SERF2: variants seen among roughly 807,000 people sequenced by gnomAD.
The protein encoded by SERF2 is small EDRK-rich factor 2.
In SERF2, 4 loss-of-function variants were observed where a neutral mutation model predicts 10.7. The ratio of observed to expected loss-of-function variants is 0.37; its 90% CI spans 0.18 to 0.86. The LOEUF is 0.86. SERF2 is among the 40% of genes least tolerant of loss of function. The pLI, the probability that SERF2 is intolerant of heterozygous loss-of-function variation, is 0.43. For missense variants in SERF2, 47 were observed against 79.1 expected, an observed-to-expected ratio of 0.59 and a Z score of 1.54; for synonymous variants, 26 against 26.0, an observed-to-expected ratio of 1.00 and a Z score of 0.01.
rs958719480 is a variant in SERF2, at chr15:43,794,212, A to G, written c.*439A>G. On this transcript the variant is annotated 3_prime_UTR_variant, in exon 3 of 3. Transcript: ENST00000249786. ...TTTATTATACAATGACAACCAAACA[A>G]GTACTCCGGATATGCAGTAGAGGAA... 1.4e-5 allele frequency: 7 copies of G among 496,526 alleles called. No individual in the cohort carries two copies. Among genetic ancestry groups the G allele is most frequent in the Admixed American group, 7.5e-5 (2 of 26,790 alleles). The allele number at this position is 496,526 out of a possible 1,614,324, so 30.8% of individuals were successfully genotyped here.
intron 1 of SERF2, among the ~76,000 whole-genome samples, chr15:43,779,194 G>C (rs1567163241): frequency 6.6e-6 from 1 of 152,142 alleles, no homozygotes; most frequent in African/African-American, 2.4e-5. Context: ...TGTAAGTGTA[G>C]AGGTTAGGTA....
At chr15:43,779,304 T>A (rs951832950) in intron 1 of SERF2, among the ~76,000 whole-genome samples, 1 of 151,718 alleles carries the variant, frequency 6.6e-6, no homozygotes, top group African/African-American at 2.4e-5. Flanking sequence ...GTGATTGGGG[T>A]TGAGGTGTGA....
intron 1 of SERF2, 133 bp downstream of exon 1, chr15:43,792,516 C>T: frequency 1.3e-6 from 2 of 1,546,782 alleles, no homozygotes; most frequent in Non-Finnish European, 1.7e-6. Flanking sequence ...TGGCCACCCT[C>T]ACACTCGGTG....
At chr15:43,788,154 C>A (rs2087023011), upstream of SERF2, among the ~76,000 whole-genome samples, 1 of 152,148 alleles carries the variant, frequency 6.6e-6, no homozygotes, top group Non-Finnish European at 1.5e-5. Flanking sequence ...GGATTACAGG[C>A]ATGAGCCACC....
rs1031951393 is a variant in SERF2, at chr15:43,794,690, C to G, written c.*917C>G. 1.7e-5 allele frequency: 5 copies of G among 289,196 alleles called. No individual in the cohort carries two copies. Among genetic ancestry groups the G allele is most frequent in the African/African-American group, 2.1e-5 (1 of 47,004 alleles). 17.9% of individuals were successfully genotyped at this position (289,196 alleles called of 1,614,324 possible). A position where few individuals can be genotyped will look rare whatever the true frequency, so the allele number is the denominator to read the frequency against. ...TGTTGGTCTTTCCCCACCCCCACTTCCAGCCCAAGAGCCAGGAAAGGGCTG... is the reference window on the plus strand; with the variant it reads ...TGTTGGTCTTTCCCCACCCCCACTTGCAGCCCAAGAGCCAGGAAAGGGCTG... On this transcript the variant is annotated 3_prime_UTR_variant, in exon 3 of 3. Coordinates refer to ENST00000249786, the MANE Select transcript of SERF2 (RefSeq NM_001018108.4).
chr15:43,792,863 C>T (rs1270405164), intron 1 of SERF2, 112 bp from the exon 2 acceptor site: 3 of 801,508 alleles, frequency 3.7e-6, no homozygotes, highest in Non-Finnish European at 6.0e-6. Context: ...GTTGTCGGGG[C>T]CCGGAGATTG....
Position 43,795,375 on chromosome 15 carries a change from C to T in SERF2, c.*1602C>T. 1 of 1,614,002 alleles carries T rather than the reference C, an allele frequency of 6.2e-7. No homozygotes were observed. Among genetic ancestry groups the T allele is most frequent in the Non-Finnish European group, 8.5e-7 (1 of 1,179,882 alleles). ...GCTCTTCAGGAGAGTATCTAAGGCC[C>T]ACTCCATCTTACCTGAACCAGTTGG... On this transcript the variant is annotated 3_prime_UTR_variant, in exon 3 of 3. Coordinates refer to ENST00000249786, the MANE Select transcript of SERF2 (RefSeq NM_001018108.4).
At chr15:43,792,121 G>T (rs2087072221), upstream of SERF2, 4 of 446,386 alleles carry the variant, frequency 9.0e-6, no homozygotes, top group Non-Finnish European at 1.3e-5. Context: ...CTCCAGGCCC[G>T]TCCCTACGTC....
At chr15:43,791,331 T>C (rs1267158426), upstream of SERF2, among the ~76,000 whole-genome samples, 2 of 151,878 alleles carry the variant, frequency 1.3e-5, no homozygotes, top group Admixed American at 6.6e-5. Context: ...AACTTCCGCC[T>C]CCCGGGTTCA....
At chr15:43,792,315 C>T (rs1313751915), upstream of SERF2, 1 of 1,404,952 alleles carries the variant, frequency 7.1e-7, no homozygotes. Context: ...AGGGGCGGGA[C>T]CTGCAACGTC....
intron 1 of SERF2, among the ~76,000 whole-genome samples, chr15:43,785,075 T>TA (rs1381638607): frequency 6.9e-6 from 1 of 144,402 alleles, no homozygotes; most frequent in East Asian, 2.1e-4. Flanking sequence ...TTTATTACTT[T>TA]TTTTTTTTTT....
At chr15:43,793,237 T>A (rs2087113515) in intron 2 of SERF2, 154 bp downstream of exon 2, 1 of 601,452 alleles carries the variant, frequency 1.7e-6, no homozygotes, top group South Asian at 2.2e-5. Context: ...CTCCCCACCC[T>A]CCAAATTGTT....
upstream of SERF2, among the ~76,000 whole-genome samples, chr15:43,790,387 G>T (rs1006773053): frequency 6.6e-6 from 1 of 152,040 alleles, no homozygotes; most frequent in African/African-American, 2.4e-5. Flanking sequence ...AGGCAGACAG[G>T]GAGAGGGAGA....
At chr15:43,792,072 C>T (rs1186220026), upstream of SERF2, 3 of 522,018 alleles carry the variant, frequency 5.7e-6, no homozygotes, top group South Asian at 4.4e-5. Flanking sequence ...CAGCCGCACC[C>T]CTCCACCCCC....
chr15:43,794,902 C>T lies in SERF2; in HGVS notation c.*1129C>T, dbSNP rs533590161. On this transcript the variant is annotated 3_prime_UTR_variant, in exon 3 of 3. Coordinates refer to ENST00000249786, the MANE Select transcript of SERF2 (RefSeq NM_001018108.4). ...GACTTCAGCCCAAACGGAGATAACT[C>T]CCTGTGTGTCCTTGAGGTATTGAGC... 12 of 901,378 alleles carry T rather than the reference C, an allele frequency of 1.3e-5. No homozygotes were observed. In the East Asian group the frequency reaches 2.9e-4, roughly 22 times the overall value. The allele number at this position is 901,378 out of a possible 1,614,324, so 55.8% of individuals were successfully genotyped here.
In SERF2 at chr15:43,779,194, GAGGTT is replaced by G. The variant is rs1567163246; in HGVS notation, c.-527+1697_-527+1701del. On this transcript the variant is annotated intron_variant, in intron 1 of 4. Transcript: ENST00000381359. ...GGCAGAGAAGGTGGGTGTAAGTGTA[GAGGTT>G]AGGTAGATGTGGTGGGAGTCTGAAA... Among the ~76,000 whole-genome samples the G allele has an allele frequency of 2.0e-5, 3 of 152,260 alleles. No individual in the cohort carries two copies. In the East Asian group the frequency reaches 5.8e-4, roughly 29 times the overall value.
At chr15:43,780,298 C>T (rs1567163480) in intron 1 of SERF2, among the ~76,000 whole-genome samples, 1 of 147,660 alleles carries the variant, frequency 6.8e-6, no homozygotes, top group Admixed American at 6.8e-5. Context: ...CGCCACCACG[C>T]CCGGCTAATT....
chr15:43,793,968 G>T lies in SERF2; in HGVS notation c.*195G>T. ...TCTCTCCCCCTGGGCCACTCCCGGG[G>T]GTGAGGGGGTTACCCCTTCCCAGTG... On this transcript the variant is annotated 3_prime_UTR_variant, in exon 3 of 3. Coordinates refer to ENST00000249786, the MANE Select transcript of SERF2 (RefSeq NM_001018108.4). 1 of 1,536,928 alleles carries T rather than the reference G, an allele frequency of 6.5e-7. No individual in the cohort carries two copies. The highest frequency in any genetic ancestry group is 8.8e-7 in the Non-Finnish European group (1 of 1,140,978).
At chr15:43,790,700 CAGAG>C, upstream of SERF2, among the ~76,000 whole-genome samples, 1 of 151,332 alleles carries the variant, frequency 6.6e-6, no homozygotes, top group African/African-American at 2.4e-5. Flanking sequence ...ACACAGGAAG[CAGAG>C]GTTGCAGTGA....
Sources: allele counts gnomAD v4.1 joint callset (sites outside exome capture counted in the v4.1 genomes callset), GRCh38; gene constraint gnomAD v4.1.1; transcripts MANE v1.5; gene names NCBI Gene and HGNC (gene_info 2026-07-23, HGNC 2026-07-21).